Variants in FHOD3 observed in about 807,000 individuals in gnomAD.
The protein encoded by FHOD3 is FH1/FH2 domain-containing protein 3.
Under a neutral mutation model 173.0 loss-of-function variants are expected in FHOD3, and 90 were observed. The ratio of observed to expected loss-of-function variants is 0.52; its 90% CI spans 0.44 to 0.62. The LOEUF (loss-of-function observed/expected upper bound fraction) is 0.62. Among genes scored for constraint, FHOD3 ranks in the 20% least tolerant of loss-of-function variants. The probability of loss-of-function intolerance (pLI) is 0.00; values close to 1 mark genes in which losing one functional copy is unlikely to be tolerated. For missense variants in FHOD3, 1,945 were observed against 2,034.7 expected (o/e 0.96, Z 0.85); for synonymous variants, 828 against 823.0 (o/e 1.01, Z -0.10).
intron 27 of FHOD3, among the ~76,000 whole-genome samples, chr18:36,766,574 C>T (rs2043146917): frequency 6.6e-6 from 1 of 151,988 alleles, no homozygotes; most frequent in Non-Finnish European, 1.5e-5. Context: ...GTATACATGA[C>T]TAGGAAGAAT....
chr18:36,359,918 T>C (rs2046529142), intron 2 of FHOD3, among the ~76,000 whole-genome samples: 1 of 152,360 alleles, frequency 6.6e-6, no homozygotes, highest in East Asian at 1.9e-4. Flanking sequence ...TACAGTCCAA[T>C]TCTGGAAAGA....
At chr18:36,700,575 C>T (rs569039608) in intron 17 of FHOD3, among the ~76,000 whole-genome samples, 16 of 152,238 alleles carry the variant, frequency 1.1e-4, no homozygotes, top group South Asian at 2.1e-4. Flanking sequence ...ATTGCCATTG[C>T]GTTAGTCCTG....
In FHOD3 at chr18:36,744,195, T is replaced by C; in HGVS notation, c.4041+2T>C. On this transcript the variant is annotated splice_donor_variant, in intron 23 of 28. Coordinates refer to ENST00000590592, the MANE Select transcript of FHOD3 (RefSeq NM_001281740.3). LOFTEE classifies it high-confidence loss of function. Reference sequence around the variant, plus strand: ...GGGGCCATCACCAGGTCAGCCAAGGTATGTCTGTGGACGCTGAGGAGTGGG... The same window carrying C: ...GGGGCCATCACCAGGTCAGCCAAGGCATGTCTGTGGACGCTGAGGAGTGGG... The C allele has an allele frequency of 6.2e-7, 1 of 1,611,818 alleles. No individual in the cohort carries two copies. Among genetic ancestry groups the C allele is most frequent in the Non-Finnish European group, 8.5e-7 (1 of 1,178,582 alleles).
At chr18:36,511,225 C>T (rs937556880) in intron 4 of FHOD3, among the ~76,000 whole-genome samples, 1 of 151,990 alleles carries the variant, frequency 6.6e-6, no homozygotes, top group South Asian at 2.1e-4. Flanking sequence ...GCGTTTGAGA[C>T]AAGGCACTGT....
intron 3 of FHOD3, among the ~76,000 whole-genome samples, chr18:36,443,777 A>T (rs1317690159): frequency 6.6e-6 from 1 of 152,188 alleles, no homozygotes; most frequent in African/African-American, 2.4e-5. Context: ...TCTATTAACA[A>T]CACTGAGTTT....
At chr18:36,434,106 A>G (rs1461964333) in intron 3 of FHOD3, among the ~76,000 whole-genome samples, 2 of 152,162 alleles carry the variant, frequency 1.3e-5, no homozygotes, top group Admixed American at 6.5e-5. Flanking sequence ...ATATGAATGA[A>G]CTTATTCACT....
Position 36,712,563 on chromosome 18 carries a change from C to T in FHOD3, c.2533+3172C>T, listed in dbSNP as rs183662963. ...CTCAAAAACAAATCAGTGGAAATTA[C>T]GAACTCTGAATGACAGAAAAAAAGA... On this transcript the variant is annotated intron_variant, in intron 18 of 28. Transcript: ENST00000590592. Among the ~76,000 whole-genome samples, 430 of 152,010 alleles carry T rather than the reference C, an allele frequency of 2.8e-3. 2 individuals carry two copies. The highest frequency in any genetic ancestry group is 9.6e-3 in the African/African-American group (398 of 41,490).
chr18:36,411,878 T>G (rs1277934821), intron 3 of FHOD3, among the ~76,000 whole-genome samples: 1 of 152,234 alleles, frequency 6.6e-6, no homozygotes, highest in Non-Finnish European at 1.5e-5. Flanking sequence ...ACCTGCCCAC[T>G]GGCTTTTTCT....
At chr18:36,722,166 G>T (rs1030238303) in intron 19 of FHOD3, among the ~76,000 whole-genome samples, 1 of 152,190 alleles carries the variant, frequency 6.6e-6, no homozygotes, top group Non-Finnish European at 1.5e-5. Flanking sequence ...GAAATCCTGT[G>T]CTAAATTTCA....
chr18:36,631,227 C>T (rs551811625), intron 10 of FHOD3, among the ~76,000 whole-genome samples: 1 of 152,284 alleles, frequency 6.6e-6, no homozygotes, highest in East Asian at 1.9e-4. Context: ...GAGTGGGAAG[C>T]ACTCAGTCTC....
intron 17 of FHOD3, among the ~76,000 whole-genome samples, chr18:36,706,057 T>C (rs530105620): frequency 2.1e-4 from 32 of 151,720 alleles, no homozygotes; most frequent in Admixed American, 2.1e-3. Flanking sequence ...GGAGAAATGT[T>C]CTGGAGTTCG....
intron 13 of FHOD3, among the ~76,000 whole-genome samples, chr18:36,656,604 C>G (rs1022301278): frequency 9.9e-5 from 15 of 152,186 alleles, no homozygotes; most frequent in African/African-American, 3.6e-4. Context: ...AATTTCATCT[C>G]TCTATTCTTT....
intron 1 of FHOD3, among the ~76,000 whole-genome samples, chr18:36,309,217 G>A (rs2092186960): frequency 6.6e-6 from 1 of 152,170 alleles, no homozygotes; most frequent in African/African-American, 2.4e-5. Flanking sequence ...GCTCTCACTT[G>A]TACTGTTCCT....
intron 1 of FHOD3, among the ~76,000 whole-genome samples, chr18:36,310,577 CTCA>C (rs2092230298): frequency 6.6e-6 from 1 of 151,480 alleles, no homozygotes; most frequent in Non-Finnish European, 1.5e-5. Flanking sequence ...ATTCCAATTA[CTCA>C]GGAGGCTGAG....
Position 36,686,040 on chromosome 18 carries a change from G to A in FHOD3, c.1971-1088G>A, listed in dbSNP as rs569104331. Among the ~76,000 whole-genome samples, 11 of 152,220 alleles carry A rather than the reference G, an allele frequency of 7.2e-5. No individual in the cohort carries two copies. In the South Asian group the frequency reaches 1.5e-3, roughly 20 times the overall value. ...CTGGGTTGTCACTGTGGATGACAGT[G>A]TGGCGATTCCTCAGAGACCTAGAAC... On this transcript the variant is annotated intron_variant, in intron 15 of 28. Coordinates refer to ENST00000590592, the MANE Select transcript of FHOD3 (RefSeq NM_001281740.3).
chr18:36,501,907 T>G, intron 3 of FHOD3, 25 bp from the exon 4 acceptor site: 1 of 1,511,788 alleles, frequency 6.6e-7, no homozygotes, highest in Non-Finnish European at 9.0e-7. Flanking sequence ...TTTAATTAAT[T>G]TATATGTTTT....
chr18:36,465,036 A>G (rs1202558227), intron 3 of FHOD3, among the ~76,000 whole-genome samples: 1 of 152,210 alleles, frequency 6.6e-6, no homozygotes, highest in East Asian at 1.9e-4. Flanking sequence ...TTAGGCAAAA[A>G]GTTAGACATG....
chr18:36,315,863 T>C (rs2044091145), intron 1 of FHOD3, among the ~76,000 whole-genome samples: 1 of 152,148 alleles, frequency 6.6e-6, no homozygotes, highest in Non-Finnish European at 1.5e-5. Flanking sequence ...ACCTGATTGG[T>C]GTCTGTGACT....
intron 5 of FHOD3, among the ~76,000 whole-genome samples, chr18:36,541,264 A>AAG (rs2057204623): frequency 6.6e-6 from 1 of 150,412 alleles, no homozygotes; most frequent in African/African-American, 2.4e-5. Flanking sequence ...AAAAAAAAAA[A>AAG]AAAAAAAAGA....
Sources: allele counts gnomAD v4.1 joint callset (sites outside exome capture counted in the v4.1 genomes callset), GRCh38; gene constraint gnomAD v4.1.1; transcripts MANE v1.5; gene names NCBI Gene and HGNC (gene_info 2026-07-23, HGNC 2026-07-21).